Variants in RPAP3 observed in about 807,000 individuals in gnomAD.
The protein encoded by RPAP3 is RNA polymerase II-associated protein 3.
Under a neutral mutation model 88.8 loss-of-function variants are expected in RPAP3, and 58 were observed. The ratio of observed to expected loss-of-function variants is 0.65; its 90% CI spans 0.53 to 0.81. RPAP3 has a LOEUF of 0.81. RPAP3 is among the 40% of genes least tolerant of loss of function. The probability of loss-of-function intolerance (pLI) is 0.00; values close to 1 mark genes in which losing one functional copy is unlikely to be tolerated. For synonymous variants in RPAP3, 255 were observed against 259.9 expected, an observed-to-expected ratio of 0.98 and a Z score of 0.18; for missense variants, 751 against 764.3, an observed-to-expected ratio of 0.98 and a Z score of 0.20.
chr12:47,668,826 TA>T, intron 14 of RPAP3, 89 bp downstream of exon 14: 1 of 977,000 alleles, frequency 1.0e-6, no homozygotes, highest in Non-Finnish European at 1.6e-6. Context: ...TAATATCCTA[TA>T]AAAAGCAAAT....
chr12:47,679,573 A>T lies in RPAP3; in HGVS notation c.1207T>A (p.Trp403Arg). 3 of 1,603,654 alleles carry T rather than the reference A, an allele frequency of 1.9e-6. No individual in the cohort carries two copies. The highest frequency in any genetic ancestry group is 2.6e-6 in the Non-Finnish European group (3 of 1,173,874). The change falls in exon 12 of 17, where the codon TGG becomes AGG. Residue 403 changes from tryptophan to arginine, a missense_variant. Coordinates refer to ENST00000005386, the MANE Select transcript of RPAP3 (RefSeq NM_024604.3). ...GTGGAATCAAGAAAGACATCATCCC[A>T]GTGTCCTTTCTCAATTAATTCCTTG... Reference protein sequence around the residue: ...IKKELIEKGHWDDVFLDSTQR... With the variant: ...IKKELIEKGHRDDVFLDSTQR...
intron 12 of RPAP3, among the ~76,000 whole-genome samples, chr12:47,672,213 A>G (rs1939013534): frequency 2.6e-5 from 4 of 152,162 alleles, no homozygotes; most frequent in Non-Finnish European, 5.9e-5. Flanking sequence ...CTGCTCTCCT[A>G]CCCTCTGTCT....
At chr12:47,679,397 TAA>T in intron 12 of RPAP3, 94 bp downstream of exon 12, 11 of 597,454 alleles carry the variant, frequency 1.8e-5, no homozygotes, top group South Asian at 2.5e-5. Flanking sequence ...AAAGTATAAT[TAA>T]AAAAAAAAAG....
At chr12:47,704,042 G>A (rs986614281) in intron 1 of RPAP3, among the ~76,000 whole-genome samples, 10 of 152,192 alleles carry the variant, frequency 6.6e-5, no homozygotes, top group Non-Finnish European at 2.9e-5. Context: ...CTAATGGGGC[G>A]AAGAGATACC....
intron 7 of RPAP3, among the ~76,000 whole-genome samples, chr12:47,688,280 T>G (rs538103257): frequency 6.6e-6 from 1 of 151,248 alleles, no homozygotes; most frequent in African/African-American, 2.4e-5. Context: ...AAACATTGGG[T>G]ACACATGGAC....
At chr12:47,664,374 A>G (rs957277787) in intron 16 of RPAP3, among the ~76,000 whole-genome samples, 5 of 152,210 alleles carry the variant, frequency 3.3e-5, no homozygotes, top group Non-Finnish European at 1.5e-5. Context: ...TGGGCGACAG[A>G]GCGAGACTCC....
At position 47,679,782 on chromosome 12, in the gene RPAP3, G is replaced by T; in HGVS notation, c.1115-8C>A. 1 of 1,588,154 alleles carries T rather than the reference G, an allele frequency of 6.3e-7. No individual in the cohort carries two copies. The highest frequency in any genetic ancestry group is 1.1e-5 in the South Asian group (1 of 87,614). ...GTAAAACAGTTTCAAAATCTAAAGC[G>T]AATTTTTTAAAAACATTACAACATA... On this transcript the variant is annotated splice_region_variant and splice_polypyrimidine_tract_variant and intron_variant, in intron 10 of 16. Coordinates refer to ENST00000005386, the MANE Select transcript of RPAP3 (RefSeq NM_024604.3).
intron 9 of RPAP3, among the ~76,000 whole-genome samples, chr12:47,682,514 TTAGCAA>T (rs1939241368): frequency 6.6e-6 from 1 of 152,160 alleles, no homozygotes; most frequent in Admixed American, 6.6e-5. Context: ...TATCCTTTCT[TTAGCAA>T]TAAACGTCAT....
At chr12:47,666,407 C>T (rs1457803042) in intron 16 of RPAP3, among the ~76,000 whole-genome samples, 2 of 152,198 alleles carry the variant, frequency 1.3e-5, no homozygotes, top group African/African-American at 4.8e-5. Flanking sequence ...CTACATGTAT[C>T]ATTCTTTCAG....
At chr12:47,683,319 A>T (rs577235765) in intron 9 of RPAP3, among the ~76,000 whole-genome samples, 1 of 152,322 alleles carries the variant, frequency 6.6e-6, no homozygotes, top group South Asian at 2.1e-4. Context: ...TTTCTTAAAA[A>T]CAACTATACA....
At position 47,701,560 on chromosome 12, in the gene RPAP3, T is replaced by C. The variant is rs142507921; in HGVS notation, c.198A>G (p.Lys66=). ...IRNGNFRKKK[K]GKAKESSKKT... is the part of the protein sequence containing the mutation. Reference sequence around the variant, plus strand: ...TTTTGGAAGACTCTTTAGCTTTGCCTTTCTTCTTTTTCCTAAAATTCCCAT... The same window carrying C: ...TTTTGGAAGACTCTTTAGCTTTGCCCTTCTTCTTTTTCCTAAAATTCCCAT... The change falls in exon 3 of 17, where the codon AAA becomes AAG. Residue 66 remains lysine, a synonymous_variant. Transcript: ENST00000005386. 8 of 1,595,370 alleles carry C rather than the reference T, an allele frequency of 5.0e-6. No homozygotes were observed. Among genetic ancestry groups the C allele is most frequent in the African/African-American group, 4.1e-5 (3 of 73,860 alleles).
intron 1 of RPAP3, among the ~76,000 whole-genome samples, chr12:47,704,228 C>T (rs1939722171): frequency 6.6e-6 from 1 of 152,010 alleles, no homozygotes; most frequent in Admixed American, 6.6e-5. Context: ...GGCAGTAGCA[C>T]CTAGACAGTT....
chr12:47,671,477 A>AAC (rs1248117492), intron 12 of RPAP3, among the ~76,000 whole-genome samples: 15 of 152,350 alleles, frequency 9.8e-5, no homozygotes, highest in Middle Eastern at 3.4e-3. Context: ...ACTCAATGTT[A>AAC]AAACCAGAAA....
intron 3 of RPAP3, chr12:47,700,195 T>TA: frequency 6.6e-6 from 1 of 152,174 alleles, no homozygotes. Context: ...GATGCACACT[T>TA]AAGATTTTTG....
intron 5 of RPAP3, among the ~76,000 whole-genome samples, chr12:47,694,552 AAAG>A (rs1487416881): frequency 1.3e-5 from 2 of 152,164 alleles, no homozygotes; most frequent in East Asian, 1.9e-4. Context: ...AAAATTCCAT[AAAG>A]AAGATAAGCT....
chr12:47,677,724 C>A (rs1939144924), intron 12 of RPAP3, among the ~76,000 whole-genome samples: 1 of 152,074 alleles, frequency 6.6e-6, no homozygotes. Context: ...GAACTACAAA[C>A]CACTGCTCAA....
At chr12:47,667,283 G>A (rs897815373) in intron 15 of RPAP3, among the ~76,000 whole-genome samples, 3 of 152,156 alleles carry the variant, frequency 2.0e-5, no homozygotes, top group South Asian at 2.1e-4. Context: ...AGCTTAGTAC[G>A]GAAACTATTA....
chr12:47,678,624 T>A (rs1276771245), intron 12 of RPAP3, among the ~76,000 whole-genome samples: 28 of 151,026 alleles, frequency 1.9e-4, no homozygotes, highest in Admixed American at 3.3e-4. Flanking sequence ...AAGACATTTA[T>A]GCAGCCAACA....
chr12:47,704,205 G>A (rs1939721072), intron 1 of RPAP3, among the ~76,000 whole-genome samples: 1 of 152,008 alleles, frequency 6.6e-6, no homozygotes, highest in African/African-American at 2.4e-5. Context: ...AGATGCCAAG[G>A]AAGAAAAAAG....
Sources: allele counts gnomAD v4.1 joint callset (sites outside exome capture counted in the v4.1 genomes callset), GRCh38; gene constraint gnomAD v4.1.1; transcripts MANE v1.5; gene names NCBI Gene and HGNC (gene_info 2026-07-23, HGNC 2026-07-21).